Variants in PPM1L observed in about 807,000 individuals in gnomAD.
PPM1L encodes the protein protein phosphatase, Mg2+/Mn2+ dependent 1L.
A neutral mutation model predicts 31.4 loss-of-function variants in PPM1L; 13 were observed. The observed-to-expected ratio is 0.41, with a 90% confidence interval of 0.27 to 0.66. The LOEUF is 0.66. PPM1L is among the 30% of genes least tolerant of loss of function. The pLI, the probability that PPM1L is intolerant of heterozygous loss-of-function variation, is 0.29. For missense variants in PPM1L, 326 were observed against 453.7 expected (o/e 0.72, Z 2.56); for synonymous variants, 184 against 175.4 (o/e 1.05, Z -0.39).
intron 1 of PPM1L, among the ~76,000 whole-genome samples, chr3:160,925,273 A>G (rs977397826): frequency 6.6e-6 from 1 of 152,160 alleles, no homozygotes; most frequent in African/African-American, 2.4e-5. Context: ...TGAACTTCTC[A>G]TTCCAGTTTA....
At chr3:160,810,923 G>A (rs76705166) in intron 1 of PPM1L, among the ~76,000 whole-genome samples, 5,149 of 152,160 alleles carry the variant, frequency 0.034, 303 homozygotes, top group African/African-American at 0.12. Flanking sequence ...TAAAATGAAC[G>A]GAAAATATTT....
chr3:160,817,299 T>G (rs1283104703), intron 1 of PPM1L, among the ~76,000 whole-genome samples: 1 of 152,018 alleles, frequency 6.6e-6, no homozygotes, highest in Non-Finnish European at 1.5e-5. Context: ...ACATAATAAA[T>G]GATATGCTTT....
intron 2 of PPM1L, among the ~76,000 whole-genome samples, chr3:161,036,693 T>C (rs190899866): frequency 3.9e-4 from 59 of 152,364 alleles, no homozygotes; most frequent in Admixed American, 3.4e-3. Flanking sequence ...TTTCTCCTTT[T>C]TAATGTTACC....
intron 1 of PPM1L, among the ~76,000 whole-genome samples, chr3:160,776,787 G>A (rs111575138): frequency 1.3e-5 from 2 of 151,778 alleles, no homozygotes; most frequent in African/African-American, 4.8e-5. Flanking sequence ...TTTTAGTAGA[G>A]ACAGGGTTTC....
At chr3:160,873,078 A>G (rs1286561793) in intron 1 of PPM1L, among the ~76,000 whole-genome samples, 1 of 152,226 alleles carries the variant, frequency 6.6e-6, no homozygotes, top group Non-Finnish European at 1.5e-5. Context: ...ATTTTTAAAA[A>G]AGTCACTGTG....
chr3:161,028,472 G>A (rs1718471075), intron 2 of PPM1L, among the ~76,000 whole-genome samples: 1 of 152,256 alleles, frequency 6.6e-6, no homozygotes, highest in East Asian at 1.9e-4. Context: ...GCCAAGGGCA[G>A]AACCCTGGGG....
At chr3:160,955,318 T>C (rs1013810531) in intron 1 of PPM1L, among the ~76,000 whole-genome samples, 1 of 151,980 alleles carries the variant, frequency 6.6e-6, no homozygotes, top group Non-Finnish European at 1.5e-5. Context: ...GCCTTCTTTT[T>C]TAAATTATTT....
intron 2 of PPM1L, among the ~76,000 whole-genome samples, chr3:160,971,625 T>C (rs1716345484): frequency 1.3e-5 from 2 of 152,216 alleles, no homozygotes; most frequent in South Asian, 4.1e-4. Flanking sequence ...GAACTGTTCA[T>C]GTTGAACTTT....
At chr3:160,900,231 T>G (rs1044088069) in intron 1 of PPM1L, among the ~76,000 whole-genome samples, 4 of 152,142 alleles carry the variant, frequency 2.6e-5, no homozygotes, top group Non-Finnish European at 5.9e-5. Context: ...AGGTTTCTAC[T>G]CCATCAGATG....
At chr3:161,035,300 G>A (rs1718713537) in intron 2 of PPM1L, among the ~76,000 whole-genome samples, 3 of 152,082 alleles carry the variant, frequency 2.0e-5, no homozygotes, top group African/African-American at 7.2e-5. Context: ...ACGGAAAGAA[G>A]TGGTGAGCAA....
Position 160,913,175 on chromosome 3 carries a change from C to A in PPM1L, c.400-48561C>A, listed in dbSNP as rs188507725. 5.3e-5 allele frequency among the ~76,000 whole-genome samples: 8 copies of A among 152,074 alleles called. No individual in the cohort carries two copies. The East Asian group carries it at 1.4e-3, about 26-fold the overall frequency. The stretch of plus-strand genomic sequence containing the variant: ...AAGTAATAGCTCAAAGAGTTTTAGG[C>A]CCCCCAACAGGTAGAAGAGTTGGAT... On this transcript the variant is annotated intron_variant, in intron 1 of 3. Transcript: ENST00000498165.
chr3:161,051,428 A>G (rs1050951320), intron 2 of PPM1L, among the ~76,000 whole-genome samples: 1 of 152,140 alleles, frequency 6.6e-6, no homozygotes, highest in South Asian at 2.1e-4. Flanking sequence ...ATATTATTAA[A>G]TACAGGAGAT....
chr3:161,006,840 G>C (rs566711949), intron 2 of PPM1L, among the ~76,000 whole-genome samples: 1 of 151,868 alleles, frequency 6.6e-6, no homozygotes, highest in Non-Finnish European at 1.5e-5. Context: ...CCGCCACCAC[G>C]CCCAGCTAAT....
intron 1 of PPM1L, among the ~76,000 whole-genome samples, chr3:160,895,429 G>C (rs961696701): frequency 2.6e-5 from 4 of 152,054 alleles, no homozygotes; most frequent in African/African-American, 9.6e-5. Context: ...TATTGCCCAG[G>C]CTGGTCTCAA....
At chr3:160,836,423 T>C (rs1213505251) in intron 1 of PPM1L, among the ~76,000 whole-genome samples, 2 of 152,166 alleles carry the variant, frequency 1.3e-5, no homozygotes, top group Non-Finnish European at 2.9e-5. Context: ...TTACTGATCT[T>C]GTGGCTCTCT....
At chr3:160,978,218 A>G (rs762185791) in intron 2 of PPM1L, among the ~76,000 whole-genome samples, 14 of 152,228 alleles carry the variant, frequency 9.2e-5, no homozygotes, top group African/African-American at 3.1e-4. Context: ...CATTTGGCCA[A>G]TGGTAGTTCC....
At chr3:160,879,788 T>C (rs1369456159) in intron 1 of PPM1L, among the ~76,000 whole-genome samples, 1 of 152,114 alleles carries the variant, frequency 6.6e-6, no homozygotes, top group East Asian at 1.9e-4. Context: ...AGCTTGATAA[T>C]TTGGATTTCT....
chr3:160,828,113 A>T (rs1224640412), intron 1 of PPM1L, among the ~76,000 whole-genome samples: 3 of 152,004 alleles, frequency 2.0e-5, no homozygotes, highest in East Asian at 3.9e-4. Flanking sequence ...ATTGGTGATT[A>T]CATTTCAGCA....
At chr3:160,825,937 A>G (rs935281826) in intron 1 of PPM1L, among the ~76,000 whole-genome samples, 2 of 152,072 alleles carry the variant, frequency 1.3e-5, no homozygotes, top group Admixed American at 1.3e-4. Flanking sequence ...GCTTTTGCCA[A>G]TCTTTGAATT....
Sources: allele counts gnomAD v4.1 joint callset (sites outside exome capture counted in the v4.1 genomes callset), GRCh38; gene constraint gnomAD v4.1.1; transcripts MANE v1.5; gene names NCBI Gene and HGNC (gene_info 2026-07-23, HGNC 2026-07-21).